RANBP2: variants seen among roughly 807,000 people sequenced by gnomAD.
RANBP2 encodes E3 SUMO-protein ligase RanBP2.
A neutral mutation model predicts 303.6 loss-of-function variants in RANBP2; 57 were observed. The ratio of observed to expected loss-of-function variants is 0.19; its 90% CI spans 0.15 to 0.23. The LOEUF is 0.23. Among genes scored for constraint, RANBP2 ranks in the 10% least tolerant of loss-of-function variants. RANBP2 has a pLI of 1.00. For synonymous variants in RANBP2, 1,167 were observed against 1,301.5 expected (o/e 0.90, Z 2.23); for missense variants, 3,138 against 3,780.8 (o/e 0.83, Z 4.46).
In RANBP2 at chr2:108,749,108, G is replaced by T. The variant is rs769995347; in HGVS notation, c.1252G>T (p.Asp418Tyr). 49 of 1,611,856 alleles carry T rather than the reference G, an allele frequency of 3.0e-5. No individual in the cohort carries two copies. The highest frequency in any genetic ancestry group is 3.7e-5 in the Non-Finnish European group (44 of 1,179,850). ...TGATGTACGAGAACCAGAGCTTGAAGATTTGACTAGATACGATGTTGGTAA... is the reference window on the plus strand; with the variant it reads ...TGATGTACGAGAACCAGAGCTTGAATATTTGACTAGATACGATGTTGGTAA... Reference protein sequence around the residue: ...NIDVREPELEDLTRYDVGAIR... With the variant: ...NIDVREPELEYLTRYDVGAIR... Residue 418 changes from aspartate to tyrosine, a missense_variant, in exon 9 of 29, where the codon GAT (aspartate) becomes TAT (tyrosine). Physicochemically the swap from Asp to Tyr is radical, Grantham distance 160 (BLOSUM62 -3). Coordinates refer to ENST00000283195, the MANE Select transcript of RANBP2 (RefSeq NM_006267.5).
rs1207546829 is a variant in RANBP2, at chr2:108,783,663, A to T, written c.9437A>T (p.Glu3146Val). ...ATTTATGGAGACAAATTTGAAGATG[A>T]AAATTTTGATGTGAAACATACTGGT... ...QSIYGDKFED[E>V]NFDVKHTGPG... Residue 3146 changes from glutamate (E) to valine (V), a missense_variant, in exon 29 of 29, where the codon GAA (glutamate) becomes GTA (valine). Transcript: ENST00000283195. 1 of 1,611,710 alleles carries T rather than the reference A, an allele frequency of 6.2e-7. No individual in the cohort carries two copies. Among genetic ancestry groups the T allele is most frequent in the South Asian group, 1.1e-5 (1 of 91,034 alleles).
At chr2:109,547,744 C>T in the RANBP2 span, among the ~76,000 whole-genome samples, 1 of 152,158 alleles carries the variant, frequency 6.6e-6, no homozygotes, top group African/African-American at 2.4e-5. Flanking sequence ...TTTAAAACAA[C>T]TGGGATATAC....
At chr2:109,614,270 G>A in the RANBP2 span, 4 of 677,466 alleles carry the variant, frequency 5.9e-6, no homozygotes, top group Admixed American at 4.7e-5. Flanking sequence ...GCGGAAGTGG[G>A]CGTGGCCTGG....
the RANBP2 span, among the ~76,000 whole-genome samples, chr2:109,442,093 C>T: frequency 3.2e-4 from 48 of 152,122 alleles, no homozygotes; most frequent in East Asian, 8.9e-3. Context: ...GGGTGGATCA[C>T]GAGGTCAGGA....
the RANBP2 span, among the ~76,000 whole-genome samples, chr2:109,207,649 T>C: frequency 6.6e-6 from 1 of 152,198 alleles, no homozygotes; most frequent in African/African-American, 2.4e-5. Flanking sequence ...AGTTGCTGTA[T>C]GATGTAAGGT....
chr2:109,450,212 G>A, the RANBP2 span, among the ~76,000 whole-genome samples: 75 of 152,304 alleles, frequency 4.9e-4, no homozygotes, highest in East Asian at 0.014. Context: ...CAGGCATGGT[G>A]GCGTGCGCCT....
At chr2:109,224,747 C>T in the RANBP2 span, among the ~76,000 whole-genome samples, 1 of 152,112 alleles carries the variant, frequency 6.6e-6, no homozygotes, top group South Asian at 2.1e-4. Flanking sequence ...ATCCCAGCTA[C>T]TTGGGAGGCT....
the RANBP2 span, among the ~76,000 whole-genome samples, chr2:108,987,958 T>C: frequency 3.9e-5 from 6 of 152,232 alleles, no homozygotes; most frequent in South Asian, 6.2e-4. Flanking sequence ...CAGTCTATTA[T>C]GGCTCTTCAC....
chr2:109,538,021 A>C, the RANBP2 span, among the ~76,000 whole-genome samples: 1 of 152,314 alleles, frequency 6.6e-6, no homozygotes, highest in South Asian at 2.1e-4. Context: ...TGGAGTTTAG[A>C]AATCTGACTC....
the RANBP2 span, among the ~76,000 whole-genome samples, chr2:109,399,218 C>T: frequency 1.3e-5 from 2 of 152,186 alleles, no homozygotes; most frequent in African/African-American, 4.8e-5. Flanking sequence ...ACCCACCCGC[C>T]TCATGACAAG....
At chr2:108,811,052 C>T in the RANBP2 span, among the ~76,000 whole-genome samples, 3 of 151,274 alleles carry the variant, frequency 2.0e-5, no homozygotes, top group Non-Finnish European at 2.9e-5. Context: ...TTTTTGTTTC[C>T]GATTTTTCCG....
chr2:109,525,079 G>GTTT, the RANBP2 span, among the ~76,000 whole-genome samples: 3 of 119,396 alleles, frequency 2.5e-5, no homozygotes, highest in Non-Finnish European at 5.6e-5. Context: ...CCTTACCGTT[G>GTTT]TTTTTTTTTT....
At chr2:109,379,993 A>G in the RANBP2 span, among the ~76,000 whole-genome samples, 2 of 152,114 alleles carry the variant, frequency 1.3e-5, no homozygotes, top group Non-Finnish European at 2.9e-5. Context: ...TTACCTTTCA[A>G]TTGGATTAAC....
the RANBP2 span, among the ~76,000 whole-genome samples, chr2:109,538,277 C>A: frequency 6.6e-6 from 1 of 152,184 alleles, no homozygotes; most frequent in South Asian, 2.1e-4. Context: ...AAGGACCCAA[C>A]CACACCTAGA....
the RANBP2 span, among the ~76,000 whole-genome samples, chr2:109,673,545 A>T: frequency 6.6e-6 from 1 of 152,144 alleles, no homozygotes; most frequent in Admixed American, 6.5e-5. Flanking sequence ...ATCAGAAATT[A>T]GTAGGGGAGA....
the RANBP2 span, among the ~76,000 whole-genome samples, chr2:109,001,301 C>T: frequency 4.6e-5 from 7 of 152,208 alleles, no homozygotes; most frequent in African/African-American, 1.7e-4. Flanking sequence ...TCCTCCCAAT[C>T]AGCTATGTGG....
chr2:108,799,515 G>A, the RANBP2 span, among the ~76,000 whole-genome samples: 1 of 152,098 alleles, frequency 6.6e-6, no homozygotes, highest in African/African-American at 2.4e-5. Context: ...CAGTACATCT[G>A]CCTTTTCCAG....
chr2:109,538,951 C>T, the RANBP2 span, among the ~76,000 whole-genome samples: 1 of 152,160 alleles, frequency 6.6e-6, no homozygotes, highest in African/African-American at 2.4e-5. Flanking sequence ...AGTGATAATA[C>T]TTTTTTGTTT....
In RANBP2 at chr2:108,766,297, A is replaced by G. The variant is rs1677115446; in HGVS notation, c.5758A>G (p.Thr1920Ala). 6.2e-7 allele frequency: 1 copy of G among 1,612,080 alleles called. No individual in the cohort carries two copies. The highest frequency in any genetic ancestry group is 8.5e-7 in the Non-Finnish European group (1 of 1,179,916). Residue 1920 changes from threonine to alanine, a missense_variant, in exon 20 of 29, where the codon ACT becomes GCT. Coordinates refer to ENST00000283195, the MANE Select transcript of RANBP2 (RefSeq NM_006267.5). ...AAGTGAAAAGCCTCTTGAAAATGGT[A>G]CTGGCTTCCAGGCTCAGGATATTAG... ...KKSEKPLENG[T>A]GFQAQDISGQ... is the part of the protein sequence containing the mutation.
Sources: allele counts gnomAD v4.1 joint callset (sites outside exome capture counted in the v4.1 genomes callset), GRCh38; gene constraint gnomAD v4.1.1; transcripts MANE v1.5; gene names NCBI Gene and HGNC (gene_info 2026-07-23, HGNC 2026-07-21).